Variants in NAV3 observed in about 807,000 individuals in gnomAD.
NAV3 encodes pore membrane and/or filament interacting like protein 1.
A neutral mutation model predicts 244.7 loss-of-function variants in NAV3; 87 were observed. That is an observed-to-expected ratio of 0.36 (90% CI 0.30 to 0.42). The LOEUF (loss-of-function observed/expected upper bound fraction) is 0.42. NAV3 is among the 20% of genes least tolerant of loss of function. NAV3 has a pLI of 1.00. For missense variants in NAV3, 2,663 were observed against 2,893.3 expected, an observed-to-expected ratio of 0.92 and a Z score of 1.83; for synonymous variants, 1,126 against 1,042.2, an observed-to-expected ratio of 1.08 and a Z score of -1.55.
intron 2 of NAV3, among the ~76,000 whole-genome samples, chr12:77,697,713 A>T (rs1875378408): frequency 6.6e-6 from 1 of 152,190 alleles, no homozygotes; most frequent in Admixed American, 6.6e-5. Context: ...AAGAAAAATG[A>T]AATTTTATTC....
intron 2 of NAV3, among the ~76,000 whole-genome samples, chr12:77,699,222 C>T (rs1875452316): frequency 6.6e-6 from 1 of 152,080 alleles, no homozygotes; most frequent in South Asian, 2.1e-4. Flanking sequence ...GTTGTCTGGC[C>T]TTGAACTCAT....
At chr12:77,721,743 T>G (rs554727416) in intron 2 of NAV3, among the ~76,000 whole-genome samples, 84 of 152,306 alleles carry the variant, frequency 5.5e-4, no homozygotes, top group South Asian at 1.4e-3. Flanking sequence ...GAAAGTACTC[T>G]ATGGGAATGT....
At chr12:78,112,291 G>C (rs770217130) in intron 12 of NAV3, among the ~76,000 whole-genome samples, 1 of 152,168 alleles carries the variant, frequency 6.6e-6, no homozygotes, top group African/African-American at 2.4e-5. Context: ...TCCCTGTGCT[G>C]CATGCTATAG....
At chr12:78,137,468 A>G (rs1376485698) in intron 19 of NAV3, 103 bp downstream of exon 19, 4 of 1,169,016 alleles carry the variant, frequency 3.4e-6, no homozygotes, top group Middle Eastern at 2.9e-4. Flanking sequence ...AGGAAAATAA[A>G]CTAGTGTAAT....
In NAV3 at chr12:78,121,013, G is replaced by C. The variant is rs7959214; in HGVS notation, c.3750-927G>C. ...CTCATTGGGAAGAATGAATTATGGC[G>C]TATAGGGAGAGTAAATATTTCTGTT... On this transcript the variant is annotated intron_variant, in intron 15 of 39. Transcript: ENST00000397909. 1.2e-4 allele frequency among the ~76,000 whole-genome samples: 19 copies of C among 152,140 alleles called. 1 individual carries two copies. Among genetic ancestry groups the C allele is most frequent in the African/African-American group, 4.6e-4 (19 of 41,520 alleles).
chr12:77,589,298 G>C (rs1228423109), intron 2 of NAV3, among the ~76,000 whole-genome samples: 1 of 151,942 alleles, frequency 6.6e-6, no homozygotes, highest in Admixed American at 6.6e-5. Flanking sequence ...CCTCCAAACT[G>C]TTCTATCCTC....
At chr12:77,993,340 AGGCTTT>A (rs1348142161) in intron 5 of NAV3, among the ~76,000 whole-genome samples, 1 of 152,218 alleles carries the variant, frequency 6.6e-6, no homozygotes, top group Non-Finnish European at 1.5e-5. Context: ...ATTTCACAAA[AGGCTTT>A]TCCTCACTTT....
At chr12:77,884,194 A>G (rs551659289) in intron 1 of NAV3, among the ~76,000 whole-genome samples, 124 of 152,278 alleles carry the variant, frequency 8.1e-4, no homozygotes, top group African/African-American at 2.8e-3. Context: ...AAAAAGAACC[A>G]GTAGAATTGA....
chr12:77,585,166 G>GA (rs1479814223), intron 2 of NAV3, among the ~76,000 whole-genome samples: 2 of 152,184 alleles, frequency 1.3e-5, no homozygotes, highest in East Asian at 3.9e-4. Flanking sequence ...TCAGAGAGAA[G>GA]ATGATCCTGC....
At chr12:78,129,768 C>T (rs190115525) in intron 18 of NAV3, among the ~76,000 whole-genome samples, 34 of 152,118 alleles carry the variant, frequency 2.2e-4, no homozygotes, top group Middle Eastern at 3.4e-3. Context: ...GAGCCAGAGA[C>T]GATCATTCCT....
At chr12:77,761,099 C>A (rs1257803887) in intron 2 of NAV3, among the ~76,000 whole-genome samples, 1 of 152,138 alleles carries the variant, frequency 6.6e-6, no homozygotes, top group Non-Finnish European at 1.5e-5. Flanking sequence ...ATGCCATCAT[C>A]CAGGCTGGAG....
chr12:77,691,977 A>G (rs1875054650), intron 2 of NAV3, among the ~76,000 whole-genome samples: 1 of 151,960 alleles, frequency 6.6e-6, no homozygotes, highest in Non-Finnish European at 1.5e-5. Flanking sequence ...TAGAGACTAT[A>G]CTTTTAACCC....
At chr12:77,746,199 A>G (rs2135783295) in intron 2 of NAV3, among the ~76,000 whole-genome samples, 1 of 152,190 alleles carries the variant, frequency 6.6e-6, no homozygotes, top group African/African-American at 2.4e-5. Flanking sequence ...ACATTTTCTC[A>G]CGGGGATAGA....
At chr12:77,732,945 T>C (rs538683383) in intron 2 of NAV3, among the ~76,000 whole-genome samples, 1 of 152,126 alleles carries the variant, frequency 6.6e-6, no homozygotes, top group South Asian at 2.1e-4. Flanking sequence ...AGGAAGAGTG[T>C]GAAGACATAA....
chr12:78,178,122 A>G (rs78762868), intron 28 of NAV3, among the ~76,000 whole-genome samples: 10,899 of 151,318 alleles, frequency 0.072, 481 homozygotes, highest in Middle Eastern at 0.11. Context: ...TTCTGATAAT[A>G]GTTATATTAA....
intron 2 of NAV3, among the ~76,000 whole-genome samples, chr12:77,808,717 G>A (rs1412276407): frequency 6.6e-6 from 1 of 152,200 alleles, no homozygotes; most frequent in Middle Eastern, 3.2e-3. Context: ...TGGGAGACCT[G>A]CTGCTCTCTT....
chr12:78,180,759 T>C (rs1958463333), intron 29 of NAV3, 112 bp from the exon 30 acceptor site: 2 of 831,142 alleles, frequency 2.4e-6, no homozygotes, highest in Non-Finnish European at 3.7e-6. Context: ...TTATTTAACA[T>C]ATTAACATGT....
intron 2 of NAV3, among the ~76,000 whole-genome samples, chr12:77,743,471 A>G (rs539627458): frequency 6.6e-6 from 1 of 151,906 alleles, no homozygotes; most frequent in Non-Finnish European, 1.5e-5. Context: ...AGATATAAAA[A>G]CATATGTCCA....
rs190976557 is a variant in NAV3, at chr12:77,682,687, A to G, written c.72+110421A>G. 1.3e-3 allele frequency among the ~76,000 whole-genome samples: 199 copies of G among 152,218 alleles called. 1 individual carries two copies. The highest frequency in any genetic ancestry group is 4.0e-3 in the African/African-American group (166 of 41,554). On this transcript the variant is annotated intron_variant, in intron 2 of 8. Coordinates refer to the NAV3 transcript ENST00000550042. Reference sequence around the variant, plus strand: ...TTGTTATCATTTGCCTTTTTTGATAATAGTCATTCTAATAGTAGTGAAGTG... The same window carrying G: ...TTGTTATCATTTGCCTTTTTTGATAGTAGTCATTCTAATAGTAGTGAAGTG...
Sources: allele counts gnomAD v4.1 joint callset (sites outside exome capture counted in the v4.1 genomes callset), GRCh38; gene constraint gnomAD v4.1.1; transcripts MANE v1.5; gene names NCBI Gene and HGNC (gene_info 2026-07-23, HGNC 2026-07-21).